SETBP1: variants seen among roughly 807,000 people sequenced by gnomAD.
SETBP1 encodes the protein SET-binding protein.
A neutral mutation model predicts 101.0 loss-of-function variants in SETBP1; 9 were observed. That is an observed-to-expected ratio of 0.09 (90% CI 0.05 to 0.16). The LOEUF (loss-of-function observed/expected upper bound fraction) is 0.16, where lower values mean the gene tolerates loss of function less well. Ranked by LOEUF, SETBP1 falls within the 10% of genes least tolerant of loss-of-function variation. The pLI is 1.00. For synonymous variants in SETBP1, 818 were observed against 788.5 expected (o/e 1.04, Z -0.63); for missense variants, 1,858 against 2,033.8 (o/e 0.91, Z 1.66).
At position 45,063,264 on chromosome 18, in the gene SETBP1, A is replaced by G. The variant is rs1197935007; in HGVS notation, c.4357A>G (p.Arg1453Gly). 1.9e-6 allele frequency: 3 copies of G among 1,612,260 alleles called. No homozygotes were observed. The African/African-American group carries it at 4.0e-5, about 22-fold the overall frequency. Residue 1453 changes from arginine to glycine, a missense_variant, in exon 6 of 6, where the codon AGG (arginine) becomes GGG (glycine). Coordinates refer to ENST00000649279, the MANE Select transcript of SETBP1 (RefSeq NM_015559.3). ...AACAGGCAACAACTTCGTGAAGAAG[A>G]GGCGCGGGCGTCCCAGGAAGCAGCC... Reference protein sequence around the residue: ...SKTGNNFVKKRRGRPRKQPTQ... With the variant: ...SKTGNNFVKKGRGRPRKQPTQ...
At chr18:45,054,490 A>G (rs920678218) in intron 5 of SETBP1, among the ~76,000 whole-genome samples, 6 of 152,064 alleles carry the variant, frequency 3.9e-5, no homozygotes, top group Admixed American at 1.3e-4. Flanking sequence ...CCAGCTGACT[A>G]TTTATAAGTG....
intron 3 of SETBP1, among the ~76,000 whole-genome samples, chr18:44,883,609 G>C (rs1035692046): frequency 1.3e-5 from 2 of 152,076 alleles, no homozygotes; most frequent in African/African-American, 4.8e-5. Flanking sequence ...GAACAATTAG[G>C]GTCCTTCACT....
intron 2 of SETBP1, among the ~76,000 whole-genome samples, chr18:44,731,338 A>G (rs1054542588): frequency 2.0e-5 from 3 of 152,164 alleles, no homozygotes; most frequent in African/African-American, 7.2e-5. Flanking sequence ...CTTTTTCCAC[A>G]TGGCCACAGG....
intron 2 of SETBP1, among the ~76,000 whole-genome samples, chr18:44,792,120 A>G (rs2071383894): frequency 6.6e-6 from 1 of 152,184 alleles, no homozygotes; most frequent in African/African-American, 2.4e-5. Context: ...TACCTGATAT[A>G]TAATATAATA....
At chr18:44,720,049 A>G (rs562656945) in intron 2 of SETBP1, among the ~76,000 whole-genome samples, 3 of 152,298 alleles carry the variant, frequency 2.0e-5, no homozygotes, top group African/African-American at 7.2e-5. Context: ...ATTGGTTTGC[A>G]TGTTAGAGAG....
At chr18:45,042,085 C>G (rs184105645) in intron 5 of SETBP1, among the ~76,000 whole-genome samples, 7 of 151,000 alleles carry the variant, frequency 4.6e-5, no homozygotes, top group Admixed American at 3.3e-4. Flanking sequence ...TAGCTGTATG[C>G]TTTTACAGCA....
At chr18:44,693,045 G>A (rs1024685757) in intron 1 of SETBP1, among the ~76,000 whole-genome samples, 1 of 152,210 alleles carries the variant, frequency 6.6e-6, no homozygotes, top group Non-Finnish European at 1.5e-5. Context: ...CAGGGTCAGA[G>A]AACCATGGTG....
intron 3 of SETBP1, among the ~76,000 whole-genome samples, chr18:44,926,233 G>A (rs941760887): frequency 6.6e-6 from 1 of 152,052 alleles, no homozygotes; most frequent in Admixed American, 6.5e-5. Flanking sequence ...GTTCCTGGCC[G>A]AAGTGTCGAT....
Position 44,950,038 on chromosome 18 carries a change from A to G in SETBP1, c.698A>G (p.Gln233Arg), listed in dbSNP as rs776263750. 1.7e-5 allele frequency: 27 copies of G among 1,614,100 alleles called. No homozygotes were observed. The highest frequency in any genetic ancestry group is 2.3e-5 in the Non-Finnish European group (27 of 1,180,032). The change falls in exon 4 of 6, where the codon CAG (glutamine) becomes CGG (arginine). Residue 233 changes from glutamine to arginine, a missense_variant. By Grantham distance (43) the Gln-to-Arg change is conservative. Transcript: ENST00000649279. The stretch of plus-strand genomic sequence containing the variant: ...AACTCTGACAGCGGACCCGTCACTC[A>G]GAATTGCTTCATCAGTCCAGAGTCT... ...STNSDSGPVTQNCFISPESGR... is the reference protein window; with the variant it reads ...STNSDSGPVTRNCFISPESGR...
intron 1 of SETBP1, among the ~76,000 whole-genome samples, chr18:44,689,926 T>A (rs1421306898): frequency 6.6e-6 from 1 of 152,158 alleles, no homozygotes; most frequent in African/African-American, 2.4e-5. Context: ...GCTTTCCAAG[T>A]GCAGGGAGAG....
chr18:44,997,886 C>T (rs1401927352), intron 4 of SETBP1, among the ~76,000 whole-genome samples: 3 of 152,158 alleles, frequency 2.0e-5, no homozygotes, highest in Non-Finnish European at 4.4e-5. Flanking sequence ...AGTCTTAATG[C>T]GTAGGAACTT....
In SETBP1 at chr18:44,950,349, T is replaced by C. The variant is rs771470475; in HGVS notation, c.1009T>C (p.Ser337Pro). 7 of 1,613,548 alleles carry C rather than the reference T, an allele frequency of 4.3e-6. No homozygotes were observed. Among genetic ancestry groups the C allele is most frequent in the South Asian group, 2.2e-5 (2 of 91,062 alleles). ...EPPTVGSKKK[S>P]SKKDVISQTI... ...ACCTACGGTGGGCAGCAAGAAAAAG[T>C]CCAGTAAAAAAGATGTGATAAGTCA... Residue 337 changes from serine to proline, a missense_variant, in exon 4 of 6, where the codon TCC (serine) becomes CCC (proline). Ser to Pro is a moderately conservative substitution (Grantham distance 74). Coordinates refer to ENST00000649279, the MANE Select transcript of SETBP1 (RefSeq NM_015559.3).
At chr18:45,014,044 T>C (rs2072893457) in intron 4 of SETBP1, among the ~76,000 whole-genome samples, 1 of 152,210 alleles carries the variant, frequency 6.6e-6, no homozygotes, top group South Asian at 2.1e-4. Context: ...AAAAAAATTC[T>C]GAATTCTGAG....
At chr18:44,684,329 C>G (rs1027762621) in intron 1 of SETBP1, among the ~76,000 whole-genome samples, 1 of 152,180 alleles carries the variant, frequency 6.6e-6, no homozygotes, top group Non-Finnish European at 1.5e-5. Flanking sequence ...AAGAAAACAC[C>G]AGGATGTCCA....
intron 2 of SETBP1, among the ~76,000 whole-genome samples, chr18:44,703,831 C>T (rs149539168): frequency 3.3e-5 from 5 of 152,288 alleles, no homozygotes; most frequent in Non-Finnish European, 7.3e-5. Flanking sequence ...CAAGAAAATG[C>T]AACAGTTCAA....
intron 2 of SETBP1, among the ~76,000 whole-genome samples, chr18:44,855,782 A>G (rs564859296): frequency 6.6e-6 from 1 of 152,220 alleles, no homozygotes; most frequent in Non-Finnish European, 1.5e-5. Flanking sequence ...GTGTGCTCAG[A>G]TCTGCCTGCC....
chr18:44,937,261 G>T (rs2070980253), intron 3 of SETBP1, among the ~76,000 whole-genome samples: 1 of 151,604 alleles, frequency 6.6e-6, no homozygotes, highest in Non-Finnish European at 1.5e-5. Context: ...GACCATCCCG[G>T]CTAAAACGGT....
intron 2 of SETBP1, among the ~76,000 whole-genome samples, chr18:44,853,924 G>A (rs144824007): frequency 3.3e-4 from 50 of 152,272 alleles, no homozygotes; most frequent in Non-Finnish European, 6.5e-4. Flanking sequence ...TGGCTTTATT[G>A]TCACTTCCTC....
chr18:45,062,424 G>A (rs1336862439), intron 5 of SETBP1, among the ~76,000 whole-genome samples: 1 of 152,188 alleles, frequency 6.6e-6, no homozygotes, highest in Non-Finnish European at 1.5e-5. Flanking sequence ...GAACACTGGG[G>A]GAAAAGCACA....
Sources: allele counts gnomAD v4.1 joint callset (sites outside exome capture counted in the v4.1 genomes callset), GRCh38; gene constraint gnomAD v4.1.1; transcripts MANE v1.5; gene names NCBI Gene and HGNC (gene_info 2026-07-23, HGNC 2026-07-21).